CSGALNACT1: variants seen among roughly 807,000 people sequenced by gnomAD.
CSGALNACT1 encodes beta4GalNAcT-1.
In CSGALNACT1, 52 loss-of-function variants were observed where a neutral mutation model predicts 51.0. The ratio of observed to expected loss-of-function variants is 1.02; its 90% CI spans 0.82 to 1.29. The LOEUF is 1.29. Among genes scored for constraint, CSGALNACT1 ranks in the 50% most tolerant of loss-of-function variants. CSGALNACT1 has a pLI of 0.00. For synonymous variants in CSGALNACT1, 341 were observed against 254.4 expected (o/e 1.34, Z -3.24); for missense variants, 935 against 679.2 (o/e 1.38, Z -4.19).
chr8:19,651,057 C>A (rs934973234), intron 1 of CSGALNACT1, among the ~76,000 whole-genome samples: 2 of 152,126 alleles, frequency 1.3e-5, no homozygotes, highest in Non-Finnish European at 2.9e-5. Flanking sequence ...TTCCTCTGGG[C>A]CTTGATGTGA....
intron 3 of CSGALNACT1, among the ~76,000 whole-genome samples, chr8:19,557,081 G>C (rs894783218): frequency 6.6e-6 from 1 of 152,086 alleles, no homozygotes; most frequent in Non-Finnish European, 1.5e-5. Flanking sequence ...CTTTATTCAG[G>C]TGAAAAGGGA....
intron 3 of CSGALNACT1, among the ~76,000 whole-genome samples, chr8:19,555,437 G>A (rs2089477413): frequency 6.6e-6 from 1 of 152,060 alleles, no homozygotes; most frequent in Admixed American, 6.6e-5. Context: ...AGTAAGAGAG[G>A]TCCACTTTAA....
exon 4 of CSGALNACT1, chr8:19,506,119 G>C (rs753070217): frequency 3.2e-6 from 2 of 622,344 alleles, no homozygotes; most frequent in Non-Finnish European, 6.0e-6. Flanking sequence ...GCAGCCAACA[G>C]CAAGAGGGGA....
intron 3 of CSGALNACT1, among the ~76,000 whole-genome samples, chr8:19,580,688 A>G (rs910871606): frequency 6.6e-6 from 1 of 152,218 alleles, no homozygotes; most frequent in African/African-American, 2.4e-5. Flanking sequence ...ACCAAAACCA[A>G]GATACAAAAC....
chr8:19,742,264 G>C (rs567738106), intron 1 of CSGALNACT1, among the ~76,000 whole-genome samples: 1 of 152,334 alleles, frequency 6.6e-6, no homozygotes, highest in Non-Finnish European at 1.5e-5. Context: ...GTAAATGGCA[G>C]CTGGTCTAAC....
At chr8:19,497,473 A>G (rs535663079) in intron 4 of CSGALNACT1, among the ~76,000 whole-genome samples, 1 of 152,282 alleles carries the variant, frequency 6.6e-6, no homozygotes, top group African/African-American at 2.4e-5. Context: ...CCACATCAAG[A>G]CACAAAGCAA....
chr8:19,530,387 G>C (rs2082533279), intron 3 of CSGALNACT1, among the ~76,000 whole-genome samples: 2 of 152,104 alleles, frequency 1.3e-5, no homozygotes, highest in Non-Finnish European at 2.9e-5. Context: ...ATATATGTAA[G>C]TGTATATATA....
intron 1 of CSGALNACT1, among the ~76,000 whole-genome samples, chr8:19,649,588 CAACTT>C (rs1564346806): frequency 6.6e-6 from 1 of 151,752 alleles, no homozygotes; most frequent in Non-Finnish European, 1.5e-5. Context: ...ATGGAAAAGA[CAACTT>C]AATTCTATAC....
chr8:19,440,632 G>T (rs1209756655), intron 5 of CSGALNACT1, among the ~76,000 whole-genome samples: 1 of 152,100 alleles, frequency 6.6e-6, no homozygotes, highest in African/African-American at 2.4e-5. Context: ...GCAAAAACTG[G>T]AAGCATTCCC....
chr8:19,493,757 G>A (rs1241873140), intron 4 of CSGALNACT1, among the ~76,000 whole-genome samples: 1 of 152,062 alleles, frequency 6.6e-6, no homozygotes, highest in Non-Finnish European at 1.5e-5. Flanking sequence ...GGACATTTGG[G>A]TTGTTTCCAC....
chr8:19,581,798 G>A lies in CSGALNACT1; in HGVS notation c.-297+9362C>T, dbSNP rs549207368. On this transcript the variant is annotated intron_variant, in intron 3 of 9. Coordinates refer to ENST00000454498, the Ensembl canonical transcript of CSGALNACT1. The stretch of plus-strand genomic sequence containing the variant: ...GGCCCATAAAGCAGAGAATAAAAAC[G>A]GATTATCTTGATATGGTTACATTAG... Among the ~76,000 whole-genome samples, 10 of 152,260 alleles carry A rather than the reference G, an allele frequency of 6.6e-5. No individual in the cohort carries two copies. In the East Asian group the frequency reaches 1.5e-3, roughly 23 times the overall value.
At chr8:19,510,616 C>T (rs2078285617) in intron 3 of CSGALNACT1, among the ~76,000 whole-genome samples, 1 of 152,080 alleles carries the variant, frequency 6.6e-6, no homozygotes, top group Non-Finnish European at 1.5e-5. Context: ...AATCTGAGCC[C>T]CAAACAGACA....
At chr8:19,730,195 C>T (rs1489206591) in intron 1 of CSGALNACT1, among the ~76,000 whole-genome samples, 1 of 152,060 alleles carries the variant, frequency 6.6e-6, no homozygotes, top group Admixed American at 6.6e-5. Context: ...ACATTAAAAG[C>T]CATCACACTC....
At chr8:19,637,041 A>T (rs1025372594) in intron 1 of CSGALNACT1, among the ~76,000 whole-genome samples, 4 of 151,956 alleles carry the variant, frequency 2.6e-5, no homozygotes, top group African/African-American at 9.7e-5. Context: ...AAAAAAAAAA[A>T]ATAGAACAAT....
intron 6 of CSGALNACT1, among the ~76,000 whole-genome samples, chr8:19,433,654 C>T (rs764449507): frequency 2.5e-4 from 38 of 152,128 alleles, no homozygotes; most frequent in African/African-American, 8.2e-4. Context: ...GAGGAACCTC[C>T]GGACAGTTCA....
In CSGALNACT1 at chr8:19,652,033, C is replaced by T. The variant is rs546790613; in HGVS notation, c.-544+30440G>A. Among the ~76,000 whole-genome samples, 10 of 152,220 alleles carry T rather than the reference C, an allele frequency of 6.6e-5. No homozygotes were observed. The East Asian group carries it at 9.6e-4, about 15-fold the overall frequency. On this transcript the variant is annotated intron_variant, in intron 1 of 9. Transcript: ENST00000332246. Reference sequence around the variant, plus strand: ...GCAACCTTCACCGCCTGGGCTCAAGCAATCCCCTGCTCCAGCCTCCTGAAT... The same window carrying T: ...GCAACCTTCACCGCCTGGGCTCAAGTAATCCCCTGCTCCAGCCTCCTGAAT...
intron 3 of CSGALNACT1, among the ~76,000 whole-genome samples, chr8:19,513,548 T>C (rs2078911898): frequency 6.6e-6 from 1 of 151,342 alleles, no homozygotes; most frequent in Admixed American, 6.6e-5. Context: ...ATCTATCTCT[T>C]ATACACACTT....
At chr8:19,609,220 TC>T (rs2051837383) in intron 1 of CSGALNACT1, among the ~76,000 whole-genome samples, 1 of 151,214 alleles carries the variant, frequency 6.6e-6, no homozygotes, top group African/African-American at 2.4e-5. Context: ...AGAAAACAAT[TC>T]TAATCTCAAG....
At chr8:19,410,477 G>C (rs2055418266) in intron 8 of CSGALNACT1, among the ~76,000 whole-genome samples, 1 of 152,162 alleles carries the variant, frequency 6.6e-6, no homozygotes, top group African/African-American at 2.4e-5. Context: ...GGTAAAAATG[G>C]AGTCAAAGAG....
Sources: gnomAD v4.1 joint callset for allele counts (sites outside exome capture counted in the v4.1 genomes callset) on GRCh38, gnomAD v4.1.1 for gene constraint, MANE v1.5 for transcripts, NCBI Gene and HGNC (gene_info 2026-07-23, HGNC 2026-07-21) for gene names.